PPP1R9B: variants seen among roughly 807,000 people sequenced by gnomAD.
PPP1R9B encodes the protein protein phosphatase 1 regulatory subunit 9B.
PPP1R9B carries 17 observed loss-of-function variants against 75.8 expected under a neutral mutation model. That is an observed-to-expected ratio of 0.22 (90% CI 0.15 to 0.34). The LOEUF (loss-of-function observed/expected upper bound fraction) is 0.34. PPP1R9B is among the 10% of genes least tolerant of loss of function. The pLI is 1.00. For missense variants in PPP1R9B, 875 were observed against 1,196.0 expected (o/e 0.73, Z 3.96); for synonymous variants, 509 against 535.4 (o/e 0.95, Z 0.68).
rs1912184462 is a variant in PPP1R9B at position 50,135,075 on chromosome 17, T to TC, written c.*255dup. On this transcript the variant is annotated 3_prime_UTR_variant, in exon 10 of 10. Coordinates refer to ENST00000612501, the MANE Select transcript of PPP1R9B (RefSeq NM_032595.5). ...CCACCAGGCCAGCCCTCGGCAGCCC[T>TC]CGGCCTCTGTGCCTCAGCCCCATGG... The TC allele has an allele frequency of 1.8e-6, 1 of 555,016 alleles. No homozygotes were observed. The highest frequency in any genetic ancestry group is 1.9e-5 in the African/African-American group (1 of 52,908). The allele number at this position is 555,016 out of a possible 1,614,324, so 34.4% of individuals were successfully genotyped here.
At position 50,149,938 on chromosome 17, in the gene PPP1R9B, G is replaced by T; in HGVS notation, c.576C>A (p.Ser192Arg). Residue 192 changes from serine to arginine, a missense_variant, in exon 1 of 10, where the codon AGC (serine) becomes AGA (arginine). Physicochemically the swap from Ser to Arg is moderately radical, Grantham distance 110. Around this residue, in one of 4 missense-constraint regions of PPP1R9B, gnomAD observed 449 missense variants for 475.0 expected, o/e 0.95. Transcript: ENST00000612501. This position sits in a 1 kb window ranked among gnomAD's most constrained non-coding sequence, Gnocchi z 7.2. ...CGTCCAGCTTGTCCAGCGCCTCGGTGCTGCCGTTGAAGCGCACCACGACGT... is the reference window on the plus strand; with the variant it reads ...CGTCCAGCTTGTCCAGCGCCTCGGTTCTGCCGTTGAAGCGCACCACGACGT... The part of the protein sequence containing the change: ...KLDVVVRFNG[S>R]TEALDKLDAD... 6.6e-7 allele frequency: 1 copy of T among 1,514,250 alleles called. No individual in the cohort carries two copies. The highest frequency in any genetic ancestry group is 8.8e-7 in the Non-Finnish European group (1 of 1,138,726). 93.8% of individuals were successfully genotyped at this position (1,514,250 alleles called of 1,614,324 possible).
In PPP1R9B at chr17:50,140,240, C is replaced by T; in HGVS notation, c.1731-12G>A. ...GGCCAATCATAAACCTGCAGGGGCA[C>T]CGGCATCATCCGCTGCCTCTGTCCT... is the stretch of plus-strand genomic sequence containing the variant. On this transcript the variant is annotated splice_polypyrimidine_tract_variant and intron_variant, in intron 4 of 9. Transcript: ENST00000612501. 6.3e-7 allele frequency: 1 copy of T among 1,582,278 alleles called. No homozygotes were observed. The highest frequency in any genetic ancestry group is 8.6e-7 in the Non-Finnish European group (1 of 1,164,520).
At position 50,139,971 on chromosome 17, in the gene PPP1R9B, G is replaced by A. The variant is rs1467709077; in HGVS notation, c.1866+122C>T. Reference sequence around the variant, plus strand: ...CTGAAGACAAAGAGTGTGACTGGAGGACAGGGAATGGCACTGTGGGCTTTT... The same window carrying A: ...CTGAAGACAAAGAGTGTGACTGGAGAACAGGGAATGGCACTGTGGGCTTTT... On this transcript the variant is annotated intron_variant, in intron 5 of 9. Coordinates refer to ENST00000612501, the MANE Select transcript of PPP1R9B (RefSeq NM_032595.5). This position sits in a 1 kb window ranked among gnomAD's most constrained non-coding sequence, Gnocchi z 5.0. 3.7e-6 allele frequency: 4 copies of A among 1,073,966 alleles called. No individual in the cohort carries two copies. Among genetic ancestry groups the A allele is most frequent in the African/African-American group, 3.2e-5 (2 of 63,192 alleles). The allele number at this position is 1,073,966 out of a possible 1,614,324, so 66.5% of individuals were successfully genotyped here. A position where few individuals can be genotyped will look rare whatever the true frequency, so the allele number is the denominator to read the frequency against.
At chr17:50,135,903 G>T in intron 8 of PPP1R9B, 65 bp downstream of exon 8, 1 of 1,266,798 alleles carries the variant, frequency 7.9e-7, no homozygotes, top group Non-Finnish European at 1.1e-6. Flanking sequence ...GGGATGGGGA[G>T]GGACTGTCCC....
rs1340793245 is a variant in PPP1R9B at position 50,149,933 on chromosome 17, T to C, written c.581A>G (p.Glu194Gly). The C allele has an allele frequency of 6.6e-7, 1 of 1,512,312 alleles. No homozygotes were observed. The highest frequency in any genetic ancestry group is 2.0e-5 in the Admixed American group (1 of 48,872). The allele number at this position is 1,512,312 out of a possible 1,614,324, so 93.7% of individuals were successfully genotyped here. A position where few individuals can be genotyped will look rare whatever the true frequency, so the allele number is the denominator to read the frequency against. The part of the protein sequence containing the change: ...DVVVRFNGST[E>G]ALDKLDADAV... ...GTCAGCGTCCAGCTTGTCCAGCGCC[T>C]CGGTGCTGCCGTTGAAGCGCACCAC... Residue 194 changes from glutamate to glycine, a missense_variant, in exon 1 of 10, where the codon GAG (glutamate) becomes GGG (glycine). By Grantham distance (98) the Glu-to-Gly change is moderately conservative (BLOSUM62 -2). This residue lies in a region of PPP1R9B where 449 missense variants were observed against 475.0 expected (regional missense o/e 0.95). Coordinates refer to ENST00000612501, the MANE Select transcript of PPP1R9B (RefSeq NM_032595.5). This position sits in a 1 kb window ranked among gnomAD's most constrained non-coding sequence, Gnocchi z 7.2.
In PPP1R9B at chr17:50,150,358, G is replaced by C; in HGVS notation, c.156C>G (p.Ser52=). Residue 52 remains serine (S), a synonymous_variant, in exon 1 of 10, where the codon TCC becomes TCG. Transcript: ENST00000612501. This position sits in a 1 kb window ranked among gnomAD's most constrained non-coding sequence, Gnocchi z 8.7. ...PKGAHHKKYG[S]NVHRIKSMFL... ...ACATACTTTTGATGCGGTGGACGTT[G>C]GAGCCATATTTCTTGTGGTGGGCCC... is the stretch of plus-strand genomic sequence containing the variant. 1 of 1,430,340 alleles carries C rather than the reference G, an allele frequency of 7.0e-7. No individual in the cohort carries two copies. Among genetic ancestry groups the C allele is most frequent in the Non-Finnish European group, 9.2e-7 (1 of 1,091,722 alleles). The allele number at this position is 1,430,340 out of a possible 1,614,324, so 88.6% of individuals were successfully genotyped here. A position where few individuals can be genotyped will look rare whatever the true frequency, so the allele number is the denominator to read the frequency against.
Position 50,149,753 on chromosome 17 carries a change from G to A in PPP1R9B, c.761C>T (p.Pro254Leu). The change falls in exon 1 of 10, where the codon CCG (proline) becomes CTG (leucine). Residue 254 changes from proline to leucine, a missense_variant. Pro to Leu is a moderately conservative substitution (Grantham distance 98). Transcript: ENST00000612501. This position sits in a 1 kb window ranked among gnomAD's most constrained non-coding sequence, Gnocchi z 7.2. ...VSKRSRVFQPPPPPPPAPSGD... is the reference protein window; with the variant it reads ...VSKRSRVFQPLPPPPPAPSGD... ...CGACGGGGCGGGCGGCGGCGGCGGCGGGGGCTGGAACACCCGGGACCGCTT... is the reference window on the plus strand; with the variant it reads ...CGACGGGGCGGGCGGCGGCGGCGGCAGGGGCTGGAACACCCGGGACCGCTT... The A allele has an allele frequency of 7.1e-7, 1 of 1,408,054 alleles. No individual in the cohort carries two copies. Among genetic ancestry groups the A allele is most frequent in the Non-Finnish European group, 9.2e-7 (1 of 1,090,778 alleles). 87.2% of individuals were successfully genotyped at this position (1,408,054 alleles called of 1,614,324 possible).
In PPP1R9B at chr17:50,150,198, C is replaced by T; in HGVS notation, c.316G>A (p.Asp106Asn). The T allele has an allele frequency of 1.4e-6, 2 of 1,461,456 alleles. No homozygotes were observed. Among genetic ancestry groups the T allele is most frequent in the Non-Finnish European group, 1.8e-6 (2 of 1,106,856 alleles). 90.5% of individuals were successfully genotyped at this position (1,461,456 alleles called of 1,614,324 possible). A position where few individuals can be genotyped will look rare whatever the true frequency, so the allele number is the denominator to read the frequency against. ...PRASSLNENV[D>N]HSALLKLGTS... ...CCCAGCTTCAGCAGGGCGCTGTGGT[C>T]CACGTTCTCGTTCAGGCTGCTGGCC... is the stretch of plus-strand genomic sequence containing the variant. Residue 106 changes from aspartate (D) to asparagine (N), a missense_variant, in exon 1 of 10, where the codon GAC becomes AAC. Asp to Asn is a conservative substitution (Grantham distance 23). Coordinates refer to ENST00000612501, the MANE Select transcript of PPP1R9B (RefSeq NM_032595.5). The surrounding 1 kb of genome is among the most constrained non-coding windows in gnomAD (Gnocchi z 8.7).
At chr17:50,135,840 G>A (rs904486480) in intron 8 of PPP1R9B, 128 bp downstream of exon 8, 14 of 884,980 alleles carry the variant, frequency 1.6e-5, no homozygotes, top group Middle Eastern at 3.2e-4. Context: ...ATTCCGGACC[G>A]GGTGTCCCCA....
Position 50,135,075 on chromosome 17 carries a change from T to C in PPP1R9B, c.*256A>G. Reference sequence around the variant, plus strand: ...CCACCAGGCCAGCCCTCGGCAGCCCTCGGCCTCTGTGCCTCAGCCCCATGG... The same window carrying C: ...CCACCAGGCCAGCCCTCGGCAGCCCCCGGCCTCTGTGCCTCAGCCCCATGG... On this transcript the variant is annotated 3_prime_UTR_variant, in exon 10 of 10. Transcript: ENST00000612501. 1.8e-6 allele frequency: 1 copy of C among 555,134 alleles called. No homozygotes were observed. Among genetic ancestry groups the C allele is most frequent in the Non-Finnish European group, 3.2e-6 (1 of 308,176 alleles). The allele number at this position is 555,134 out of a possible 1,614,324, so 34.4% of individuals were successfully genotyped here.
Position 50,139,446 on chromosome 17 carries a change from C to G in PPP1R9B, c.2002G>C (p.Val668Leu), listed in dbSNP as rs1301675438. The G allele has an allele frequency of 2.5e-6, 4 of 1,605,732 alleles. No individual in the cohort carries two copies. Among genetic ancestry groups the G allele is most frequent in the Non-Finnish European group, 3.4e-6 (4 of 1,173,940 alleles). ...CCTCCCACCTCCTTGAACTTGTGCA[C>G]CAGCTTCTCGGGCTCCATGTCCACA... is the stretch of plus-strand genomic sequence containing the variant. ...SPVDMEPEKL[V>L]HKFKELQIKH... is the part of the protein sequence containing the mutation. Residue 668 changes from valine to leucine, a missense_variant, in exon 6 of 10, where the codon GTG (valine) becomes CTG (leucine). By Grantham distance (32) the Val-to-Leu change is conservative (BLOSUM62 1). This residue lies in a region of PPP1R9B where 218 missense variants were observed against 334.6 expected (regional missense o/e 0.65). Transcript: ENST00000612501. This position sits in a 1 kb window ranked among gnomAD's most constrained non-coding sequence, Gnocchi z 5.0.
rs530705681 is a variant in PPP1R9B at position 50,141,411 on chromosome 17, C to G, written c.1626-38G>C. ...CATTGGTTAAGGGGTCACAGGGGAACCGAGGAGCGAGGGTAGAGGTAGCCT... is the reference window on the plus strand; with the variant it reads ...CATTGGTTAAGGGGTCACAGGGGAAGCGAGGAGCGAGGGTAGAGGTAGCCT... On this transcript the variant is annotated intron_variant, in intron 3 of 9. Transcript: ENST00000612501. 6.9e-5 allele frequency: 99 copies of G among 1,440,648 alleles called. No individual in the cohort carries two copies. The African/African-American group carries it at 1.3e-3, about 19-fold the overall frequency. 89.2% of individuals were successfully genotyped at this position (1,440,648 alleles called of 1,614,324 possible).
chr17:50,148,629 G>T (rs1001679298), intron 1 of PPP1R9B, among the ~76,000 whole-genome samples: 10 of 152,242 alleles, frequency 6.6e-5, no homozygotes, highest in African/African-American at 2.4e-4. Context: ...AGGAAGGGCT[G>T]CCTGCGGTCC....
chr17:50,146,158 C>G (rs1026662408), intron 1 of PPP1R9B: 3 of 152,334 alleles, frequency 2.0e-5, no homozygotes, highest in African/African-American at 7.2e-5. Context: ...TGTCTCTCAG[C>G]AAAAAGAGGA....
Position 50,149,302 on chromosome 17 carries a change from G to A in PPP1R9B, c.1212C>T (p.Asp404=). ...DVSAYSGLGE[D]SAGSALEEDD... is the part of the protein sequence containing the mutation. ...CCTCCTCCAGGGCACTGCCCGCAGA[G>A]TCCTCCCCGAGCCCACTGTAGGCGC... Residue 404 remains aspartate (D), a synonymous_variant, in exon 1 of 10, where the codon GAC becomes GAT. Transcript: ENST00000612501. This position sits in a 1 kb window ranked among gnomAD's most constrained non-coding sequence, Gnocchi z 7.2. 6.2e-6 allele frequency: 10 copies of A among 1,613,150 alleles called. No individual in the cohort carries two copies. The highest frequency in any genetic ancestry group is 8.5e-6 in the Non-Finnish European group (10 of 1,179,688).
chr17:50,135,360 G>A lies in PPP1R9B; in HGVS notation c.2425C>T (p.Gln809Ter). ...DKISELEGNL[Q>*]TLRNSNST ...GTAGAATTGGAATTCCTCAGTGTTT[G>A]CAAGTTTCCTTCCAGTTCTGAGATC... Residue 809 changes from glutamine to a stop codon, truncating the protein, a stop_gained, in exon 10 of 10, where the codon CAA becomes TAA. Coordinates refer to ENST00000612501, the MANE Select transcript of PPP1R9B (RefSeq NM_032595.5). LOFTEE classifies it high-confidence loss of function. 2 of 1,613,616 alleles carry A rather than the reference G, an allele frequency of 1.2e-6. No individual in the cohort carries two copies. Among genetic ancestry groups the A allele is most frequent in the Non-Finnish European group, 1.7e-6 (2 of 1,179,666 alleles).
chr17:50,136,212 C>G lies in PPP1R9B; in HGVS notation c.2074-15G>C. On this transcript the variant is annotated splice_polypyrimidine_tract_variant and intron_variant, in intron 7 of 9. Coordinates refer to ENST00000612501, the MANE Select transcript of PPP1R9B (RefSeq NM_032595.5). ...AGGCTCTGCAGCTGAGAGAGAAAGG[C>G]ACGGCCCTGGGTTGGTGGGGGCCAG... The G allele has an allele frequency of 6.3e-7, 1 of 1,596,734 alleles. No homozygotes were observed. Among genetic ancestry groups the G allele is most frequent in the Non-Finnish European group, 8.5e-7 (1 of 1,178,192 alleles).
rs1418653716 is a variant in PPP1R9B at position 50,149,662 on chromosome 17, G to A, written c.852C>T (p.Ala284=). 4 of 1,506,754 alleles carry A rather than the reference G, an allele frequency of 2.7e-6. No individual in the cohort carries two copies. Among genetic ancestry groups the A allele is most frequent in the Non-Finnish European group, 3.5e-6 (4 of 1,130,540 alleles). The allele number at this position is 1,506,754 out of a possible 1,614,324, so 93.3% of individuals were successfully genotyped here. Residue 284 remains alanine (A), a synonymous_variant, in exon 1 of 10, where the codon GCC becomes GCT. Coordinates refer to ENST00000612501, the MANE Select transcript of PPP1R9B (RefSeq NM_032595.5). The surrounding 1 kb of genome is among the most constrained non-coding windows in gnomAD (Gnocchi z 7.2). ...AGQQPPQHRV[A]PARPPPKPRE... is the part of the protein sequence containing the mutation. ...GGGGCTTGGGGGGCGGCCGGGCAGG[G>A]GCCACTCGGTGCTGCGGGGGCTGCT...
chr17:50,147,100 C>G (rs563908461), intron 1 of PPP1R9B, among the ~76,000 whole-genome samples: 1 of 152,228 alleles, frequency 6.6e-6, no homozygotes, highest in South Asian at 2.1e-4. Flanking sequence ...CTGGGCTGCA[C>G]CCTGCCCTCT....
Sources: allele counts gnomAD v4.1 joint callset (sites outside exome capture counted in the v4.1 genomes callset), GRCh38; gene constraint gnomAD v4.1.1; regional missense constraint gnomAD v4.1.1; non-coding constraint Gnocchi (gnomAD v3.1); transcripts MANE v1.5; gene names NCBI Gene and HGNC (gene_info 2026-07-23, HGNC 2026-07-21).